The following RIMS2 variants were observed in gnomAD, a reference collection of about 807,000 sequenced individuals.
RIMS2 encodes regulating synaptic membrane exocytosis protein 2.
Under a neutral mutation model 174.4 loss-of-function variants are expected in RIMS2, and 59 were observed. The ratio of observed to expected loss-of-function variants is 0.34; its 90% CI spans 0.27 to 0.42. RIMS2 has a LOEUF of 0.42. Ranked by LOEUF, RIMS2 falls within the 10% of genes least tolerant of loss-of-function variation. RIMS2 has a pLI of 1.00. For missense variants in RIMS2, 1,620 were observed against 1,666.3 expected (o/e 0.97, Z 0.48); for synonymous variants, 606 against 572.5 (o/e 1.06, Z -0.84).
intron 1 of RIMS2, among the ~76,000 whole-genome samples, chr8:103,567,111 T>A (rs1383650559): frequency 6.6e-6 from 1 of 152,224 alleles, no homozygotes; most frequent in Non-Finnish European, 1.5e-5. Context: ...TACTTTCACT[T>A]AGCATAATGT....
At chr8:103,515,890 A>G (rs1429918650) in intron 1 of RIMS2, among the ~76,000 whole-genome samples, 1 of 152,080 alleles carries the variant, frequency 6.6e-6, no homozygotes, top group African/African-American at 2.4e-5. Flanking sequence ...CTATAGTGTC[A>G]GTTATTAACT....
chr8:103,838,648 A>T (rs2388849), intron 3 of RIMS2, among the ~76,000 whole-genome samples: 23,936 of 152,190 alleles, frequency 0.16, 1,989 homozygotes, highest in Middle Eastern at 0.24. Context: ...AAAAGTTACG[A>T]ATATTTTGGA....
intron 2 of RIMS2, among the ~76,000 whole-genome samples, chr8:103,712,993 T>C (rs1406288146): frequency 2.0e-5 from 3 of 152,078 alleles, no homozygotes; most frequent in African/African-American, 7.2e-5. Flanking sequence ...GATTTTTCTT[T>C]TCCTTCCTTC....
intron 17 of RIMS2, among the ~76,000 whole-genome samples, chr8:104,002,958 T>A (rs72683135): frequency 6.6e-6 from 1 of 152,130 alleles, no homozygotes; most frequent in Non-Finnish European, 1.5e-5. Context: ...TGATTCATTG[T>A]GCATTTTTAA....
chr8:104,096,699 C>T (rs2130664005), intron 19 of RIMS2, among the ~76,000 whole-genome samples: 1 of 152,116 alleles, frequency 6.6e-6, no homozygotes, highest in East Asian at 1.9e-4. Flanking sequence ...GAAACCCCAT[C>T]TCTACTAAAA....
intron 3 of RIMS2, among the ~76,000 whole-genome samples, chr8:103,790,251 C>A (rs2098484468): frequency 6.6e-6 from 1 of 152,216 alleles, no homozygotes; most frequent in South Asian, 2.1e-4. Flanking sequence ...CATTAGCAGT[C>A]ACTTGTCATT....
rs1468795910 is a variant in RIMS2 at position 104,227,918 on chromosome 8, C to A, written c.3335-16998C>A. Among the ~76,000 whole-genome samples the A allele has an allele frequency of 2.0e-5, 3 of 151,818 alleles. No homozygotes were observed. In the East Asian group the frequency reaches 5.8e-4, roughly 29 times the overall value. On this transcript the variant is annotated intron_variant, in intron 19 of 23. Transcript: ENST00000504942. Reference sequence around the variant, plus strand: ...ATCACCAGAAAACTGAGGAAAGAGTCTTTGCATGTGATAGTGAAGCTATGA... The same window carrying A: ...ATCACCAGAAAACTGAGGAAAGAGTATTTGCATGTGATAGTGAAGCTATGA...
chr8:104,010,723 G>A (rs144940900), intron 17 of RIMS2, among the ~76,000 whole-genome samples: 1 of 152,190 alleles, frequency 6.6e-6, no homozygotes, highest in Non-Finnish European at 1.5e-5. Context: ...CTTTTTAAAA[G>A]ACAATGGAAT....
intron 14 of RIMS2, among the ~76,000 whole-genome samples, chr8:103,958,579 G>A (rs2088511564): frequency 6.6e-6 from 1 of 151,900 alleles, no homozygotes; most frequent in African/African-American, 2.4e-5. Context: ...AAGAATAAAT[G>A]AGCTTGAAAA....
intron 3 of RIMS2, among the ~76,000 whole-genome samples, chr8:103,853,129 TAATA>T (rs1416550019): frequency 6.6e-6 from 1 of 152,018 alleles, no homozygotes; most frequent in Non-Finnish European, 1.5e-5. Context: ...TGCCATGAAA[TAATA>T]AGTATCTCAA....
intron 19 of RIMS2, among the ~76,000 whole-genome samples, chr8:104,226,131 C>T (rs1214310625): frequency 1.3e-5 from 2 of 152,152 alleles, no homozygotes; most frequent in East Asian, 3.8e-4. Flanking sequence ...GACTCATTCA[C>T]ATTTATAAAG....
At chr8:103,617,648 T>A (rs2095536777) in intron 1 of RIMS2, among the ~76,000 whole-genome samples, 1 of 152,012 alleles carries the variant, frequency 6.6e-6, no homozygotes, top group African/African-American at 2.4e-5. Flanking sequence ...CAAGGAACTT[T>A]AACAAATTTA....
chr8:103,910,565 C>T, intron 5 of RIMS2, 36 bp downstream of exon 8: 1 of 1,298,464 alleles, frequency 7.7e-7, no homozygotes, highest in Non-Finnish European at 1.1e-6. Flanking sequence ...TTAACCTGCT[C>T]ATTTGGTCTT....
At chr8:103,820,822 T>C (rs149693389) in intron 3 of RIMS2, among the ~76,000 whole-genome samples, 9 of 151,860 alleles carry the variant, frequency 5.9e-5, no homozygotes, top group African/African-American at 2.2e-4. Flanking sequence ...TAGGATATTC[T>C]AAATTGGATA....
intron 1 of RIMS2, among the ~76,000 whole-genome samples, chr8:103,660,293 C>G (rs916375531): frequency 1.3e-5 from 2 of 152,232 alleles, no homozygotes; most frequent in Non-Finnish European, 2.9e-5. Flanking sequence ...ACCACAAGAT[C>G]ATGGCGGGCA....
intron 15 of RIMS2, among the ~76,000 whole-genome samples, chr8:103,964,341 T>C (rs140108176): frequency 6.6e-6 from 1 of 152,322 alleles, no homozygotes; most frequent in Non-Finnish European, 1.5e-5. Context: ...TTTGGTGTTG[T>C]CAGTGTTCTG....
chr8:103,602,284 A>G (rs35400024), intron 1 of RIMS2, among the ~76,000 whole-genome samples: 25,957 of 152,056 alleles, frequency 0.17, 2,357 homozygotes, highest in African/African-American at 0.22. Flanking sequence ...ACCACGCCTG[A>G]TCCATGCTTT....
chr8:103,605,667 A>C (rs1401613555), intron 1 of RIMS2, among the ~76,000 whole-genome samples: 1 of 152,124 alleles, frequency 6.6e-6, no homozygotes, highest in Non-Finnish European at 1.5e-5. Flanking sequence ...GAGTATTGCC[A>C]CAATTTCTGA....
chr8:103,669,395 T>A (rs1340415437), intron 1 of RIMS2, among the ~76,000 whole-genome samples: 1 of 152,208 alleles, frequency 6.6e-6, no homozygotes, highest in Non-Finnish European at 1.5e-5. Flanking sequence ...TCAAATCTCA[T>A]GTCCTCATAT....
Sources: gnomAD v4.1 joint callset for allele counts (sites outside exome capture counted in the v4.1 genomes callset) on GRCh38, gnomAD v4.1.1 for gene constraint, MANE v1.5 for transcripts, NCBI Gene and HGNC (gene_info 2026-07-23, HGNC 2026-07-21) for gene names.